The following RIMS1 variants were observed in gnomAD, a reference collection of about 807,000 sequenced individuals.
The protein encoded by RIMS1 is regulating synaptic membrane exocytosis 1, also known as regulating synaptic membrane exocytosis protein 1.
In RIMS1, 83 loss-of-function variants were observed where a neutral mutation model predicts 214.1. The observed-to-expected ratio is 0.39, with a 90% CI of 0.32 to 0.47. The LOEUF (loss-of-function observed/expected upper bound fraction) is 0.47, where lower values mean the gene tolerates loss of function less well. Among genes scored for constraint, RIMS1 ranks in the 20% least tolerant of loss-of-function variants. The pLI is 0.99. For synonymous variants in RIMS1, 793 were observed against 786.8 expected, an observed-to-expected ratio of 1.01 and a Z score of -0.13; for missense variants, 2,050 against 2,161.8, an observed-to-expected ratio of 0.95 and a Z score of 1.03.
chr6:72,023,435 T>C (rs1285755793), intron 2 of RIMS1, among the ~76,000 whole-genome samples: 1 of 152,112 alleles, frequency 6.6e-6, no homozygotes, highest in Non-Finnish European at 1.5e-5. Context: ...TAGGGTTTTT[T>C]TGTTATTAAA....
chr6:72,240,285 G>A (rs993755019), intron 9 of RIMS1, among the ~76,000 whole-genome samples: 1 of 152,176 alleles, frequency 6.6e-6, no homozygotes, highest in African/African-American at 2.4e-5. Context: ...CCAGGTTGCC[G>A]CTTATAAAAA....
At chr6:72,291,429 A>G (rs907143457) in intron 25 of RIMS1, among the ~76,000 whole-genome samples, 2 of 152,318 alleles carry the variant, frequency 1.3e-5, no homozygotes, top group Admixed American at 1.3e-4. Context: ...ATATCTTTCA[A>G]ATTTGTTCCT....
At chr6:72,393,458 C>G (rs767194747) in intron 31 of RIMS1, among the ~76,000 whole-genome samples, 1 of 152,180 alleles carries the variant, frequency 6.6e-6, no homozygotes, top group Non-Finnish European at 1.5e-5. Flanking sequence ...GGCGCTGTGG[C>G]TCACGCCTGT....
At chr6:72,276,790 A>G (rs559158989) in intron 23 of RIMS1, among the ~76,000 whole-genome samples, 1 of 152,344 alleles carries the variant, frequency 6.6e-6, no homozygotes, top group East Asian at 1.9e-4. Context: ...TTCATAGGTT[A>G]TATGTCAACC....
chr6:72,184,008 G>GA (rs1277725260), intron 6 of RIMS1, among the ~76,000 whole-genome samples: 4 of 152,194 alleles, frequency 2.6e-5, no homozygotes, highest in Non-Finnish European at 5.9e-5. Flanking sequence ...AGTGCATACT[G>GA]TATTACTGTA....
chr6:72,267,128 TTC>T (rs1257311582), intron 22 of RIMS1, among the ~76,000 whole-genome samples: 2 of 152,116 alleles, frequency 1.3e-5, no homozygotes, highest in Non-Finnish European at 2.9e-5. Flanking sequence ...GAAATTTAAT[TTC>T]TGTCTTGTAT....
chr6:72,258,964 A>G, intron 17 of RIMS1, 22 bp from the exon 18 acceptor site: 1 of 1,611,128 alleles, frequency 6.2e-7, no homozygotes, highest in Non-Finnish European at 8.5e-7. Flanking sequence ...TTTGACACAT[A>G]AGAATTTTGT....
intron 6 of RIMS1, among the ~76,000 whole-genome samples, chr6:72,184,946 C>T (rs1211549195): frequency 6.6e-6 from 1 of 152,126 alleles, no homozygotes; most frequent in African/African-American, 2.4e-5. Flanking sequence ...TAACTGCCAG[C>T]CTTTTGGTTG....
At chr6:72,156,439 A>G (rs2044452474) in intron 4 of RIMS1, among the ~76,000 whole-genome samples, 1 of 140,424 alleles carries the variant, frequency 7.1e-6, no homozygotes, top group African/African-American at 2.5e-5. Context: ...ACTCATAGAG[A>G]CCAGAAGAAT....
At chr6:71,939,081 T>C (rs943071641) in intron 1 of RIMS1, among the ~76,000 whole-genome samples, 10 of 152,354 alleles carry the variant, frequency 6.6e-5, no homozygotes, top group Admixed American at 3.3e-4. Context: ...AATTTATCTC[T>C]CTTAAATTAT....
chr6:72,059,711 T>C (rs1259533068), intron 2 of RIMS1, among the ~76,000 whole-genome samples: 1 of 152,228 alleles, frequency 6.6e-6, no homozygotes, highest in East Asian at 1.9e-4. Context: ...TTATTAGTGG[T>C]GGTCCTGTTA....
At chr6:72,046,135 T>C (rs1273900339) in intron 2 of RIMS1, among the ~76,000 whole-genome samples, 1 of 152,112 alleles carries the variant, frequency 6.6e-6, no homozygotes, top group Non-Finnish European at 1.5e-5. Context: ...TCAGCACTTA[T>C]GTGTCTCTTT....
At chr6:71,984,354 GA>G (rs571595357) in intron 2 of RIMS1, among the ~76,000 whole-genome samples, 4,575 of 142,302 alleles carry the variant, frequency 0.032, 76 homozygotes, top group African/African-American at 0.038. Flanking sequence ...TGAAGGAAAA[GA>G]AAAAAAAAAA....
At chr6:71,941,091 TA>T (rs1785972558) in intron 1 of RIMS1, among the ~76,000 whole-genome samples, 1 of 152,140 alleles carries the variant, frequency 6.6e-6, no homozygotes, top group African/African-American at 2.4e-5. Context: ...CCTTTTTCCT[TA>T]TATCATGATG....
intron 2 of RIMS1, among the ~76,000 whole-genome samples, chr6:72,045,200 G>T (rs994242464): frequency 1.3e-5 from 2 of 151,744 alleles, no homozygotes; most frequent in East Asian, 3.9e-4. Context: ...GGAATTGACT[G>T]CAAAGGGATA....
intron 4 of RIMS1, among the ~76,000 whole-genome samples, chr6:72,157,255 CA>C (rs1456672162): frequency 7.1e-6 from 1 of 140,422 alleles, no homozygotes; most frequent in Non-Finnish European, 1.6e-5. Context: ...TGTAGAACAA[CA>C]AATTTATACT....
At chr6:72,316,568 G>T in intron 28 of RIMS1, 1 of 398,874 alleles carries the variant, frequency 2.5e-6, no homozygotes, top group South Asian at 2.2e-5. Context: ...GGGAGGTGGA[G>T]GGAGGAGGAG....
chr6:72,055,303 A>G (rs1007080150), intron 2 of RIMS1, among the ~76,000 whole-genome samples: 1 of 152,076 alleles, frequency 6.6e-6, no homozygotes, highest in Admixed American at 6.5e-5. Context: ...CTTATATATT[A>G]TTATATTTAT....
At chr6:72,248,460 C>G (rs556311558) in intron 12 of RIMS1, among the ~76,000 whole-genome samples, 1 of 152,216 alleles carries the variant, frequency 6.6e-6, no homozygotes, top group Admixed American at 6.5e-5. Flanking sequence ...GGAGTTCATA[C>G]CCCATTTATG....
Sources: gnomAD v4.1 joint callset for allele counts (sites outside exome capture counted in the v4.1 genomes callset) on GRCh38, gnomAD v4.1.1 for gene constraint, MANE v1.5 for transcripts, NCBI Gene and HGNC (gene_info 2026-07-23, HGNC 2026-07-21) for gene names.